The following CCDC150 variants were observed in gnomAD, a reference collection of about 807,000 sequenced individuals.
CCDC150 encodes coiled-coil domain-containing protein 150.
A neutral mutation model predicts 156.5 loss-of-function variants in CCDC150; 151 were observed. The ratio of observed to expected loss-of-function variants is 0.97; its 90% CI spans 0.85 to 1.10. The LOEUF (loss-of-function observed/expected upper bound fraction) is 1.10. CCDC150 is among the 50% of genes least tolerant of loss of function. CCDC150 has a pLI of 0.00. For missense variants in CCDC150, 1,312 were observed against 1,268.1 expected, an observed-to-expected ratio of 1.03 and a Z score of -0.53; for synonymous variants, 452 against 429.4, an observed-to-expected ratio of 1.05 and a Z score of -0.65.
At chr2:196,712,762 C>T (rs779204055) in intron 17 of CCDC150, 23 bp downstream of exon 17, 3 of 1,579,560 alleles carry the variant, frequency 1.9e-6, no homozygotes, top group South Asian at 2.3e-5. Context: ...AAAGTGCTTA[C>T]TTGTCAGCAT....
At chr2:196,642,154 C>T (rs951167372) in intron 1 of CCDC150, among the ~76,000 whole-genome samples, 2 of 152,086 alleles carry the variant, frequency 1.3e-5, no homozygotes, top group Admixed American at 6.5e-5. Context: ...TACTATCAAG[C>T]GTTAGGACTT....
intron 8 of CCDC150, among the ~76,000 whole-genome samples, chr2:196,670,220 A>C (rs1468355909): frequency 6.6e-6 from 1 of 152,120 alleles, no homozygotes; most frequent in African/African-American, 2.4e-5. Flanking sequence ...GTTTAATGAC[A>C]CTACACACTT....
At chr2:196,693,493 G>A (rs1360761370) in intron 13 of CCDC150, among the ~76,000 whole-genome samples, 1 of 152,104 alleles carries the variant, frequency 6.6e-6, no homozygotes, top group East Asian at 1.9e-4. Flanking sequence ...CAATAGATTT[G>A]CCCTTATATC....
At chr2:196,694,161 G>A (rs1297987015) in intron 13 of CCDC150, among the ~76,000 whole-genome samples, 2 of 149,358 alleles carry the variant, frequency 1.3e-5, no homozygotes, top group Non-Finnish European at 3.0e-5. Context: ...GGTTCGAGCA[G>A]TTCTCCTGCC....
At chr2:196,663,916 A>T (rs1693694017) in intron 5 of CCDC150, among the ~76,000 whole-genome samples, 1 of 152,116 alleles carries the variant, frequency 6.6e-6, no homozygotes, top group Non-Finnish European at 1.5e-5. Flanking sequence ...TGCAATTCCC[A>T]TTTCAATTGG....
In CCDC150 at chr2:196,732,648, TCATAAGAA is replaced by T. The variant is rs766154755; in HGVS notation, c.*90_*97del. ...AGCCGGGGCTGGCCTGTTTCTAGAG[TCATAAGAA>T]CATGAAGTCTTTGATGTGGGCTGAA... On this transcript the variant is annotated 3_prime_UTR_variant, in exon 28 of 28. Transcript: ENST00000389175. 4.4e-5 allele frequency: 38 copies of T among 871,456 alleles called. No individual in the cohort carries two copies. Among genetic ancestry groups the T allele is most frequent in the Non-Finnish European group, 6.4e-5 (34 of 527,646 alleles). 54.0% of individuals were successfully genotyped at this position (871,456 alleles called of 1,614,324 possible). A position where few individuals can be genotyped will look rare whatever the true frequency, so the allele number is the denominator to read the frequency against.
At chr2:196,718,662 C>T (rs1318183071) in intron 18 of CCDC150, 31 bp downstream of exon 18, 19 of 1,606,284 alleles carry the variant, frequency 1.2e-5, no homozygotes, top group Non-Finnish European at 1.4e-5. Context: ...GACCGTCTGT[C>T]ACTGAGAAGA....
intron 8 of CCDC150, among the ~76,000 whole-genome samples, chr2:196,670,685 T>TA (rs1418227793): frequency 6.6e-6 from 1 of 152,140 alleles, no homozygotes; most frequent in Admixed American, 6.6e-5. Context: ...CATAAGATCT[T>TA]ACTGCTAATA....
At chr2:196,693,727 A>G (rs926749908) in intron 13 of CCDC150, among the ~76,000 whole-genome samples, 1 of 152,092 alleles carries the variant, frequency 6.6e-6, no homozygotes, top group Non-Finnish European at 1.5e-5. Context: ...TCCCAGTTTT[A>G]GGGGGAAAGT....
intron 1 of CCDC150, among the ~76,000 whole-genome samples, chr2:196,644,165 C>T (rs1052242155): frequency 2.6e-5 from 4 of 152,156 alleles, no homozygotes; most frequent in Non-Finnish European, 5.9e-5. Flanking sequence ...CCCAAAGTCT[C>T]TTTGGCCAGA....
chr2:196,692,859 A>G (rs901236049), intron 13 of CCDC150, among the ~76,000 whole-genome samples: 1 of 152,198 alleles, frequency 6.6e-6, no homozygotes, highest in Non-Finnish European at 1.5e-5. Context: ...TGCTGAGTTC[A>G]GATCCTGAAT....
intron 13 of CCDC150, among the ~76,000 whole-genome samples, chr2:196,690,770 C>T (rs926705906): frequency 1.4e-4 from 21 of 152,268 alleles, no homozygotes; most frequent in African/African-American, 5.1e-4. Context: ...AGAGGGCATG[C>T]TTGTCTTGTG....
chr2:196,684,312 T>C (rs1408476097), intron 13 of CCDC150, among the ~76,000 whole-genome samples: 1 of 152,126 alleles, frequency 6.6e-6, no homozygotes, highest in East Asian at 1.9e-4. Flanking sequence ...TTTGACCCAT[T>C]GGTTGTTTAG....
At chr2:196,683,200 C>T (rs188349677) in intron 13 of CCDC150, among the ~76,000 whole-genome samples, 2 of 151,988 alleles carry the variant, frequency 1.3e-5, no homozygotes, top group Middle Eastern at 3.4e-3. Flanking sequence ...CCTCTATTCT[C>T]AGTTTGTTGG....
Position 196,676,679 on chromosome 2 carries a change from C to T in CCDC150, c.1388C>T (p.Ser463Leu). Residue 463 changes from serine to leucine, a missense_variant, in exon 12 of 28, where the codon TCA (serine) becomes TTA (leucine). Ser to Leu is a moderately radical substitution (Grantham distance 145). Coordinates refer to ENST00000389175, the MANE Select transcript of CCDC150 (RefSeq NM_001080539.2). Reference protein sequence around the residue: ...IARLRGELEASMQEKKSLLEE... With the variant: ...IARLRGELEALMQEKKSLLEE... ...AGATTGCGAGGTGAATTGGAAGCAT[C>T]AATGCAAGAGAAGAAGTCTCTGCTA... 6.2e-7 allele frequency: 1 copy of T among 1,613,738 alleles called. No homozygotes were observed. Among genetic ancestry groups the T allele is most frequent in the South Asian group, 1.1e-5 (1 of 91,064 alleles).
At position 196,656,725 on chromosome 2, in the gene CCDC150, CA is replaced by C. The variant is rs1268561650; in HGVS notation, c.270del (p.Asp91IlefsTer11). 1.9e-6 allele frequency: 3 copies of C among 1,613,788 alleles called. No homozygotes were observed. Among genetic ancestry groups the C allele is most frequent in the South Asian group, 2.2e-5 (2 of 91,070 alleles). On this transcript the variant is annotated frameshift_variant, in exon 3 of 28. Transcript: ENST00000389175. LOFTEE classifies it high-confidence loss of function. ...IQNEAICAGK[T>X]DILWKNCEFL... ...AATGAAGCAATTTGTGCAGGAAAAACAGATATTTTATGGAAGAACTGTGAGT... is the reference window on the plus strand; with the variant it reads ...AATGAAGCAATTTGTGCAGGAAAAACGATATTTTATGGAAGAACTGTGAGT...
chr2:196,723,231 G>A (rs888372068), intron 21 of CCDC150, among the ~76,000 whole-genome samples: 4 of 152,108 alleles, frequency 2.6e-5, no homozygotes, highest in East Asian at 1.9e-4. Context: ...CGCCGGGTGC[G>A]GTGGCTCACA....
At chr2:196,713,671 T>TA in intron 17 of CCDC150, 1 of 1,416,580 alleles carries the variant, frequency 7.1e-7, no homozygotes, top group East Asian at 2.6e-5. Flanking sequence ...CAAATTTTCT[T>TA]AAACAGGACT....
chr2:196,673,679 C>T (rs1018457260), intron 9 of CCDC150, among the ~76,000 whole-genome samples: 1 of 152,116 alleles, frequency 6.6e-6, no homozygotes, highest in African/African-American at 2.4e-5. Context: ...AAATGTTTCT[C>T]TCAATAATAC....
Sources: allele counts gnomAD v4.1 joint callset (sites outside exome capture counted in the v4.1 genomes callset), GRCh38; gene constraint gnomAD v4.1.1; transcripts MANE v1.5; gene names NCBI Gene and HGNC (gene_info 2026-07-23, HGNC 2026-07-21).